The following OPCML variants were observed in gnomAD, a reference collection of about 807,000 sequenced individuals.
OPCML encodes the protein opioid-binding protein/cell adhesion molecule.
In OPCML, 13 loss-of-function variants were observed where a neutral mutation model predicts 37.8. The ratio of observed to expected loss-of-function variants is 0.34; its 90% CI spans 0.22 to 0.55. The LOEUF is 0.55. OPCML is among the 20% of genes least tolerant of loss of function. OPCML has a pLI of 0.91. For synonymous variants in OPCML, 176 were observed against 168.8 expected (o/e 1.04, Z -0.33); for missense variants, 341 against 435.6 (o/e 0.78, Z 1.93).
chr11:133,008,239 G>A (rs1403336485), intron 1 of OPCML: 25 of 985,280 alleles, frequency 2.5e-5, no homozygotes, highest in Non-Finnish European at 3.0e-5. Flanking sequence ...GGCCACTTGT[G>A]ACTTAGTAGA....
chr11:132,674,694 C>T (rs890482955), intron 2 of OPCML, among the ~76,000 whole-genome samples: 2 of 152,084 alleles, frequency 1.3e-5, no homozygotes, highest in Non-Finnish European at 2.9e-5. Context: ...CAATTTTTCA[C>T]ATTATATAAG....
Position 133,438,700 on chromosome 11 carries a change from G to A in OPCML, c.61+93564C>T, listed in dbSNP as rs963256070. Among the ~76,000 whole-genome samples, 3 of 152,254 alleles carry A rather than the reference G, an allele frequency of 2.0e-5. No homozygotes were observed. The East Asian group carries it at 5.8e-4, about 29-fold the overall frequency. On this transcript the variant is annotated intron_variant, in intron 1 of 7. Transcript: ENST00000524381. ...GGCCCTAGGTCACTTCAGGAGGGGGGCTGCTTGCCAGGAAGACCAAAGCAT... is the reference window on the plus strand; with the variant it reads ...GGCCCTAGGTCACTTCAGGAGGGGGACTGCTTGCCAGGAAGACCAAAGCAT...
At chr11:133,190,491 C>CATACAATTCACTCATTCAAAGT (rs1173932644) in intron 1 of OPCML, among the ~76,000 whole-genome samples, 2 of 152,136 alleles carry the variant, frequency 1.3e-5, no homozygotes, top group Non-Finnish European at 2.9e-5. Flanking sequence ...GTTCATATAA[C>CATACAATTCACTCATTCAAAGT]ATACAATTCA....
chr11:133,011,009 A>T (rs901448596), intron 1 of OPCML, among the ~76,000 whole-genome samples: 7 of 152,192 alleles, frequency 4.6e-5, no homozygotes, highest in African/African-American at 1.7e-4. Context: ...ACTATCTGGA[A>T]TTTTTTTAGA....
intron 1 of OPCML, among the ~76,000 whole-genome samples, chr11:133,153,919 C>T (rs1950021707): frequency 6.6e-6 from 1 of 152,098 alleles, no homozygotes; most frequent in Non-Finnish European, 1.5e-5. Context: ...CAGTGAGACA[C>T]GTTGTCACAG....
intron 1 of OPCML, chr11:133,299,454 T>C (rs1198709320): frequency 6.6e-6 from 1 of 152,248 alleles, no homozygotes; most frequent in Admixed American, 6.5e-5. Flanking sequence ...CCTAATTTCT[T>C]CTACTTAAGT....
chr11:133,445,759 A>C (rs1426978987), intron 1 of OPCML, among the ~76,000 whole-genome samples: 2 of 152,240 alleles, frequency 1.3e-5, no homozygotes, highest in Non-Finnish European at 2.9e-5. Flanking sequence ...TCCAGAGTAC[A>C]TTTTAAGCAA....
At chr11:133,107,912 C>T (rs1209282550) in intron 1 of OPCML, among the ~76,000 whole-genome samples, 1 of 152,204 alleles carries the variant, frequency 6.6e-6, no homozygotes, top group Non-Finnish European at 1.5e-5. Context: ...GCTCAGGGAG[C>T]CATGCCACAC....
intron 1 of OPCML, chr11:133,298,648 AT>A (rs1278190819): frequency 6.6e-6 from 1 of 152,124 alleles, no homozygotes; most frequent in African/African-American, 2.4e-5. Flanking sequence ...TAAAGAAAAC[AT>A]TTTTTGATCA....
intron 2 of OPCML, among the ~76,000 whole-genome samples, chr11:132,783,909 C>CT (rs2136159268): frequency 6.6e-6 from 1 of 152,256 alleles, no homozygotes; most frequent in East Asian, 1.9e-4. Flanking sequence ...ATCAATGCAA[C>CT]TTTATTACTT....
chr11:132,573,341 C>A (rs2096442818), intron 3 of OPCML, among the ~76,000 whole-genome samples: 1 of 151,852 alleles, frequency 6.6e-6, no homozygotes, highest in Non-Finnish European at 1.5e-5. Context: ...GAGAAAAACA[C>A]TTTTAGTTTT....
At position 132,853,129 on chromosome 11, in the gene OPCML, C is replaced by T. The variant is rs907954579; in HGVS notation, c.146+89797G>A. Among the ~76,000 whole-genome samples the T allele has an allele frequency of 3.8e-4, 58 of 152,176 alleles. 1 individual carries two copies. The highest frequency in any genetic ancestry group is 4.3e-4 in the Non-Finnish European group (29 of 68,002). ...TTATTCAGAATTGGTATCTTGCAGA[C>T]ATTTTTTCAAGAAGCATCATTTCAA... On this transcript the variant is annotated intron_variant, in intron 2 of 7. Coordinates refer to ENST00000524381, the MANE Select transcript of OPCML (RefSeq NM_001012393.5).
chr11:132,779,114 C>T (rs918613211), intron 2 of OPCML, among the ~76,000 whole-genome samples: 20 of 151,680 alleles, frequency 1.3e-4, no homozygotes, highest in African/African-American at 4.6e-4. Context: ...ATTACAGGCA[C>T]CTGCCACCAG....
chr11:132,821,539 G>A (rs542382981), intron 2 of OPCML, among the ~76,000 whole-genome samples: 45 of 152,298 alleles, frequency 3.0e-4, no homozygotes, highest in African/African-American at 6.5e-4. Context: ...AAAATTATCC[G>A]CTTGCCTCAA....
At chr11:132,631,860 T>C (rs1009711822) in intron 3 of OPCML, among the ~76,000 whole-genome samples, 2 of 152,134 alleles carry the variant, frequency 1.3e-5, no homozygotes, top group African/African-American at 2.4e-5. Context: ...AGACGTATCA[T>C]GGAGTATTTA....
intron 7 of OPCML, among the ~76,000 whole-genome samples, chr11:132,430,357 C>T (rs2095992491): frequency 6.6e-6 from 1 of 152,128 alleles, no homozygotes; most frequent in Non-Finnish European, 1.5e-5. Flanking sequence ...GGATGGTTTC[C>T]CATGAGAAGG....
chr11:132,724,420 C>T (rs531093), intron 2 of OPCML, among the ~76,000 whole-genome samples: 39,086 of 152,024 alleles, frequency 0.26, 5,909 homozygotes, highest in Middle Eastern at 0.34. Flanking sequence ...TTCACAATCA[C>T]GAGAACAGCA....
chr11:132,856,227 G>C (rs985305736), intron 2 of OPCML, among the ~76,000 whole-genome samples: 9 of 152,120 alleles, frequency 5.9e-5, no homozygotes, highest in Non-Finnish European at 1.3e-4. Flanking sequence ...TCAATAAATC[G>C]ATTGAAGCAT....
At chr11:133,403,960 A>G (rs1385451815) in intron 1 of OPCML, among the ~76,000 whole-genome samples, 1 of 152,224 alleles carries the variant, frequency 6.6e-6, no homozygotes. Flanking sequence ...TACCATAAGT[A>G]GTGTTGCTTT....
Sources: allele counts gnomAD v4.1 joint callset (sites outside exome capture counted in the v4.1 genomes callset), GRCh38; gene constraint gnomAD v4.1.1; transcripts MANE v1.5; gene names NCBI Gene and HGNC (gene_info 2026-07-23, HGNC 2026-07-21).